The following COL11A1 variants were observed in gnomAD, a reference collection of about 807,000 sequenced individuals.
The protein encoded by COL11A1 is collagen alpha-1(XI) chain.
A neutral mutation model predicts 265.2 loss-of-function variants in COL11A1; 74 were observed. That is an observed-to-expected ratio of 0.28 (90% CI 0.23 to 0.34). COL11A1 has a LOEUF of 0.34. Among genes scored for constraint, COL11A1 ranks in the 10% least tolerant of loss-of-function variants. The probability of loss-of-function intolerance (pLI) is 1.00; values close to 1 mark genes in which losing one functional copy is unlikely to be tolerated. For missense variants in COL11A1, 2,165 were observed against 2,263.6 expected, an observed-to-expected ratio of 0.96 and a Z score of 0.88; for synonymous variants, 816 against 727.6, an observed-to-expected ratio of 1.12 and a Z score of -1.96.
At chr1:102,992,395 AAG>A (rs1291359208) in intron 28 of COL11A1, among the ~76,000 whole-genome samples, 2 of 152,084 alleles carry the variant, frequency 1.3e-5, no homozygotes, top group Non-Finnish European at 2.9e-5. Flanking sequence ...AAGGCTAAAA[AAG>A]AGAGAATTTT....
intron 26 of COL11A1, among the ~76,000 whole-genome samples, chr1:102,996,733 G>A (rs961921484): frequency 2.0e-5 from 3 of 151,822 alleles, no homozygotes; most frequent in African/African-American, 7.2e-5. Flanking sequence ...TTAGATAATG[G>A]TTACCAGAAA....
At chr1:103,014,792 C>T (rs1666425780) in intron 12 of COL11A1, among the ~76,000 whole-genome samples, 198 bp from the exon 13 acceptor site, 1 of 152,068 alleles carries the variant, frequency 6.6e-6, no homozygotes, top group African/African-American at 2.4e-5. Context: ...CTTTACACTA[C>T]AGGTTACCAT....
intron 29 of COL11A1, 46 bp downstream of exon 29, chr1:102,989,472 T>C: frequency 8.3e-7 from 1 of 1,199,958 alleles, no homozygotes; most frequent in South Asian, 1.5e-5. Context: ...AAAATATATA[T>C]ATATATTAAA....
rs746387208 is a variant in COL11A1 at position 103,031,209 on chromosome 1, G to C, written c.687C>G (p.Pro229=). 10 of 1,606,968 alleles carry C rather than the reference G, an allele frequency of 6.2e-6. No homozygotes were observed. In the Admixed American group the frequency reaches 6.7e-5, roughly 11 times the overall value. Residue 229 remains proline (P), a synonymous_variant, in exon 5 of 67, where the codon CCC becomes CCG. Coordinates refer to ENST00000370096, the MANE Select transcript of COL11A1 (RefSeq NM_001854.4). The part of the protein sequence containing the change: ...DIQQFLITGD[P]KAAYDYCEHY... ...GCTCACAGTAGTCATATGCTGCCTT[G>C]GGATCACCTGTGATCAAAAACTGCT...
chr1:102,885,523 T>C (rs1650855267), intron 63 of COL11A1, among the ~76,000 whole-genome samples: 1 of 152,194 alleles, frequency 6.6e-6, no homozygotes. Context: ...AAAAGTATTC[T>C]AATAGTCGCA....
intron 20 of COL11A1, among the ~76,000 whole-genome samples, chr1:103,003,705 A>G (rs1362418831): frequency 1.3e-5 from 2 of 152,174 alleles, no homozygotes; most frequent in Non-Finnish European, 1.5e-5. Flanking sequence ...TCACTGAGGA[A>G]AGAAAACGAT....
chr1:102,914,587 T>C (rs1655083589), intron 51 of COL11A1, 117 bp downstream of exon 51: 5 of 986,774 alleles, frequency 5.1e-6, no homozygotes, highest in Non-Finnish European at 6.2e-6. Context: ...TATGAAATGA[T>C]GAAAAGTCAG....
At chr1:103,004,710 T>A (rs1370428492) in intron 18 of COL11A1, 49 bp from the exon 19 acceptor site, 6 of 1,484,726 alleles carry the variant, frequency 4.0e-6, no homozygotes, top group Non-Finnish European at 5.6e-6. Flanking sequence ...AAGTAGAATG[T>A]TTACAAGTCT....
In COL11A1 at chr1:102,899,001, A is replaced by C; in HGVS notation, c.4087-7T>G. On this transcript the variant is annotated splice_region_variant and splice_polypyrimidine_tract_variant and intron_variant, in intron 54 of 66. Coordinates refer to ENST00000370096, the MANE Select transcript of COL11A1 (RefSeq NM_001854.4). The stretch of plus-strand genomic sequence containing the variant: ...CTGCAGCTCCAGGAGGACCCTATAG[A>C]CATAAGATTTATTGTAAAATATGTA... The C allele has an allele frequency of 6.6e-7, 1 of 1,517,324 alleles. No homozygotes were observed. The highest frequency in any genetic ancestry group is 1.8e-4 in the Middle Eastern group (1 of 5,702). The allele number at this position is 1,517,324 out of a possible 1,614,324, so 94.0% of individuals were successfully genotyped here.
At chr1:102,900,731 G>A (rs374068239) in intron 54 of COL11A1, among the ~76,000 whole-genome samples, 82 of 152,170 alleles carry the variant, frequency 5.4e-4, no homozygotes, top group Non-Finnish European at 9.9e-4. Flanking sequence ...ATAACTAAAT[G>A]ACAATACAGC....
At chr1:103,024,765 G>A (rs1571074578) in intron 7 of COL11A1, among the ~76,000 whole-genome samples, 1 of 151,872 alleles carries the variant, frequency 6.6e-6, no homozygotes, top group African/African-American at 2.4e-5. Context: ...AAATCTATTT[G>A]CCTAATTGAG....
At chr1:103,031,316 A>G (rs972398251) in intron 4 of COL11A1, 72 bp from the exon 5 acceptor site, 8 of 1,520,028 alleles carry the variant, frequency 5.3e-6, no homozygotes, top group Admixed American at 1.8e-5. Context: ...CATATACCAA[A>G]GCGAGATGTG....
At chr1:103,088,754 A>G (rs1673074643) in intron 1 of COL11A1, among the ~76,000 whole-genome samples, 1 of 152,198 alleles carries the variant, frequency 6.6e-6, no homozygotes, top group Admixed American at 6.5e-5. Flanking sequence ...GAAGAGAAGG[A>G]AAGAAACAGC....
chr1:103,026,870 A>G (rs915746177), intron 5 of COL11A1, among the ~76,000 whole-genome samples: 1 of 150,310 alleles, frequency 6.7e-6, no homozygotes, highest in African/African-American at 2.5e-5. Context: ...AAATAAGTAT[A>G]TACTGTATTA....
At chr1:102,996,972 C>A in intron 26 of COL11A1, 108 bp downstream of exon 26, 3 of 897,442 alleles carry the variant, frequency 3.3e-6, no homozygotes, top group African/African-American at 1.7e-5. Flanking sequence ...TTTTTTATAC[C>A]CAAAATAACT....
chr1:102,903,305 C>T (rs1166215302), intron 54 of COL11A1, among the ~76,000 whole-genome samples: 1 of 152,134 alleles, frequency 6.6e-6, no homozygotes, highest in Non-Finnish European at 1.5e-5. Flanking sequence ...TTCTCAGTAT[C>T]ACTGCCACTT....
intron 4 of COL11A1, among the ~76,000 whole-genome samples, chr1:103,039,488 T>C (rs1226009128): frequency 6.6e-6 from 1 of 152,008 alleles, no homozygotes; most frequent in East Asian, 1.9e-4. Context: ...TGAATCTGAC[T>C]GGTCTCCTTT....
chr1:103,014,085 A>T (rs928773187), intron 13 of COL11A1, among the ~76,000 whole-genome samples: 1 of 152,076 alleles, frequency 6.6e-6, no homozygotes, highest in Non-Finnish European at 1.5e-5. Context: ...TGTGTTATCC[A>T]TGATATGTTA....
At chr1:102,933,131 G>T (rs1470699068) in intron 46 of COL11A1, among the ~76,000 whole-genome samples, 15 of 150,410 alleles carry the variant, frequency 1.0e-4, no homozygotes, top group Non-Finnish European at 2.1e-4. Context: ...TCCATTGCTG[G>T]TGAGGAACTG....
Sources: allele counts gnomAD v4.1 joint callset (sites outside exome capture counted in the v4.1 genomes callset), GRCh38; gene constraint gnomAD v4.1.1; transcripts MANE v1.5; gene names NCBI Gene and HGNC (gene_info 2026-07-23, HGNC 2026-07-21).